Variants in VPS39 observed in about 807,000 individuals in gnomAD.
The protein encoded by VPS39 is vam6/Vps39-like protein.
VPS39 carries 70 observed loss-of-function variants against 121.0 expected under a neutral mutation model. The observed-to-expected ratio is 0.58, with a 90% CI of 0.48 to 0.71. The LOEUF is 0.71. VPS39 is among the 30% of genes least tolerant of loss of function. VPS39 has a pLI of 0.00. For synonymous variants in VPS39, 378 were observed against 398.1 expected (o/e 0.95, Z 0.60); for missense variants, 818 against 1,051.5 (o/e 0.78, Z 3.07).
chr15:42,166,641 C>A lies in VPS39; in HGVS notation c.1528G>T (p.Val510Leu), dbSNP rs1382592728. 3 of 1,614,200 alleles carry A rather than the reference C, an allele frequency of 1.9e-6. No individual in the cohort carries two copies. The highest frequency in any genetic ancestry group is 2.5e-6 in the Non-Finnish European group (3 of 1,180,046). ...GCTTTCTTGGACTGGTCCACGAGCACCTGCAGAGCTGGCCACCAAGCCCAA... is the reference window on the plus strand; with the variant it reads ...GCTTTCTTGGACTGGTCCACGAGCAACTGCAGAGCTGGCCACCAAGCCCAA... The part of the protein sequence containing the change: ...KKGLHEKALQ[V>L]LVDQSKKANS... The change falls in exon 15 of 25, where the codon GTG becomes TTG. Residue 510 changes from valine to leucine, a missense_variant. Val to Leu is a conservative substitution (Grantham distance 32). Coordinates refer to ENST00000318006, the MANE Select transcript of VPS39 (RefSeq NM_015289.5).
At chr15:42,163,247 C>T in intron 21 of VPS39, 103 bp downstream of exon 21, 2 of 1,377,070 alleles carry the variant, frequency 1.5e-6, no homozygotes, top group Middle Eastern at 1.8e-4. Flanking sequence ...AGAGCCCTGA[C>T]TCGTGCCCTG....
chr15:42,206,229 G>C (rs1295009020), intron 1 of VPS39, among the ~76,000 whole-genome samples: 1 of 152,140 alleles, frequency 6.6e-6, no homozygotes, highest in Non-Finnish European at 1.5e-5. Flanking sequence ...ACCTGCCTCT[G>C]GAAGTTCCTG....
chr15:42,195,342 A>AG (rs1266681340), intron 2 of VPS39, among the ~76,000 whole-genome samples: 12 of 152,198 alleles, frequency 7.9e-5, no homozygotes, highest in African/African-American at 2.7e-4. Context: ...TGGGAGGCTG[A>AG]GGTGGGCAGA....
intron 8 of VPS39, among the ~76,000 whole-genome samples, chr15:42,181,561 A>G (rs926802260): frequency 2.0e-5 from 3 of 152,232 alleles, no homozygotes; most frequent in Admixed American, 1.3e-4. Context: ...TGTTTTTTAC[A>G]TTTAAAAATA....
At position 42,166,934 on chromosome 15, in the gene VPS39, C is replaced by A; in HGVS notation, c.1378-21G>T. On this transcript the variant is annotated intron_variant, in intron 13 of 24. Transcript: ENST00000318006. ...TTTGTCTGCAGAAAGAGCAGGAGTTCAGTGGAAACTGCTTCCTGGGGAGCC... is the reference window on the plus strand; with the variant it reads ...TTTGTCTGCAGAAAGAGCAGGAGTTAAGTGGAAACTGCTTCCTGGGGAGCC... 3 of 1,613,590 alleles carry A rather than the reference C, an allele frequency of 1.9e-6. No homozygotes were observed. In the South Asian group the frequency reaches 3.3e-5, roughly 18 times the overall value.
Position 42,189,159 on chromosome 15 carries a change from C to G in VPS39, c.297G>C (p.Thr99=). The change falls in exon 5 of 25, where the codon ACG becomes ACC. Residue 99 remains threonine, a synonymous_variant. Coordinates refer to ENST00000318006, the MANE Select transcript of VPS39 (RefSeq NM_015289.5). The stretch of plus-strand genomic sequence containing the variant: ...GTGATGCTCCCTTTGCCTTTGAAAC[C>G]GTAGTGATTTGTTGAAATGTCAATA... ...HDLLTFQQIT[T]VSKAKGASLF... 6.2e-7 allele frequency: 1 copy of G among 1,613,812 alleles called. No individual in the cohort carries two copies. Among genetic ancestry groups the G allele is most frequent in the Non-Finnish European group, 8.5e-7 (1 of 1,179,866 alleles).
intron 8 of VPS39, among the ~76,000 whole-genome samples, chr15:42,183,411 T>C (rs1237576627): frequency 6.6e-6 from 1 of 152,142 alleles, no homozygotes; most frequent in Non-Finnish European, 1.5e-5. Flanking sequence ...CAGAACATGA[T>C]GCTTTTATCA....
At chr15:42,198,116 C>T (rs1485072807) in intron 2 of VPS39, among the ~76,000 whole-genome samples, 1 of 152,094 alleles carries the variant, frequency 6.6e-6, no homozygotes, top group Non-Finnish European at 1.5e-5. Flanking sequence ...GGTTCCAAGC[C>T]AGATTAACAC....
intron 10 of VPS39, among the ~76,000 whole-genome samples, chr15:42,174,488 T>C (rs1350887574): frequency 6.6e-6 from 1 of 152,214 alleles, no homozygotes; most frequent in African/African-American, 2.4e-5. Flanking sequence ...TGCAATCTGA[T>C]TTCTGGATTT....
intron 15 of VPS39, 25 bp downstream of exon 15, chr15:42,166,538 C>T (rs2049246437): frequency 6.2e-7 from 1 of 1,613,156 alleles, no homozygotes; most frequent in Non-Finnish European, 8.5e-7. Context: ...AGCGCTTTCC[C>T]ACCCCTTTCA....
intron 8 of VPS39, among the ~76,000 whole-genome samples, chr15:42,180,878 C>T (rs576866335): frequency 2.0e-5 from 3 of 152,160 alleles, no homozygotes; most frequent in African/African-American, 7.2e-5. Context: ...CAAGTGTTGA[C>T]AAGAATATGG....
chr15:42,164,565 G>T, intron 18 of VPS39, 79 bp from the exon 19 acceptor site: 1 of 1,566,002 alleles, frequency 6.4e-7, no homozygotes, highest in Non-Finnish European at 8.6e-7. Flanking sequence ...TGAAGGGAAT[G>T]GGGTTCAAGG....
intron 24 of VPS39, chr15:42,161,292 T>C (rs1048866696): frequency 5.3e-6 from 2 of 380,418 alleles, no homozygotes; most frequent in African/African-American, 2.1e-5. Context: ...TAACACAGTA[T>C]GAGTCTGGCT....
chr15:42,204,001 C>A (rs2050119082), intron 1 of VPS39, among the ~76,000 whole-genome samples: 1 of 152,230 alleles, frequency 6.6e-6, no homozygotes, highest in African/African-American at 2.4e-5. Context: ...ACGGCCTAAC[C>A]CTGAGCCACA....
intron 23 of VPS39, 75 bp from the exon 24 acceptor site, chr15:42,161,848 G>A: frequency 1.3e-6 from 2 of 1,583,998 alleles, no homozygotes; most frequent in Non-Finnish European, 1.7e-6. Context: ...GCCAGCAACT[G>A]TGTCCTCTTT....
Position 42,160,753 on chromosome 15 carries a change from C to T in VPS39, c.*1G>A. The T allele has an allele frequency of 5.0e-6, 8 of 1,614,008 alleles. No individual in the cohort carries two copies. The highest frequency in any genetic ancestry group is 6.8e-6 in the Non-Finnish European group (8 of 1,179,872). ...TCCGCTGGATCCCCAGGATGCTGGG[C>T]TCAAGTGTCAGCTGGGTTTACCTCT... On this transcript the variant is annotated 3_prime_UTR_variant, in exon 25 of 25. Transcript: ENST00000318006.
intron 1 of VPS39, among the ~76,000 whole-genome samples, chr15:42,206,023 G>A (rs1389689147): frequency 2.0e-5 from 3 of 152,200 alleles, no homozygotes; most frequent in Non-Finnish European, 4.4e-5. Context: ...TGTTTGAGGG[G>A]AGAGGAATCA....
At position 42,189,794 on chromosome 15, in the gene VPS39, C is replaced by CTTTTTTT. The variant is rs34353468; in HGVS notation, c.248-593_248-587dup. ...AGAGATCTTTCACTTCCAAAACACT[C>CTTTTTTT]TTTTTTTTTTTTTTTTTTTTTTTTT... On this transcript the variant is annotated intron_variant, in intron 4 of 24. Transcript: ENST00000318006. Among the ~76,000 whole-genome samples, 2 of 34,026 alleles carry CTTTTTTT rather than the reference C, an allele frequency of 5.9e-5. 1 individual carries two copies. The highest frequency in any genetic ancestry group is 1.8e-4 in the African/African-American group (2 of 11,050). The allele number at this position is 34,026 out of a possible 152,430, so 22.3% of individuals were successfully genotyped here.
intron 8 of VPS39, among the ~76,000 whole-genome samples, chr15:42,183,469 G>A (rs977080861): frequency 7.2e-5 from 11 of 151,984 alleles, no homozygotes; most frequent in Non-Finnish European, 1.0e-4. Flanking sequence ...ACCTTCTCAC[G>A]GACATCTACC....
Sources: allele counts gnomAD v4.1 joint callset (sites outside exome capture counted in the v4.1 genomes callset), GRCh38; gene constraint gnomAD v4.1.1; transcripts MANE v1.5; gene names NCBI Gene and HGNC (gene_info 2026-07-23, HGNC 2026-07-21).